Variants in GRAMD4 observed in about 807,000 individuals in gnomAD.
GRAMD4 encodes the protein GRAM domain-containing protein 4.
GRAMD4 carries 25 observed loss-of-function variants against 83.9 expected under a neutral mutation model. The observed-to-expected ratio is 0.30, with a 90% CI of 0.22 to 0.42. The LOEUF is 0.42. GRAMD4 is among the 10% of genes least tolerant of loss of function. The pLI is 1.00. For synonymous variants in GRAMD4, 336 were observed against 320.9 expected (o/e 1.05, Z -0.50); for missense variants, 593 against 788.7 (o/e 0.75, Z 2.97).
At chr22:46,662,426 C>T (rs947468848) in intron 5 of GRAMD4, among the ~76,000 whole-genome samples, 9 of 152,370 alleles carry the variant, frequency 5.9e-5, no homozygotes, top group African/African-American at 1.4e-4. Context: ...GCCCCCCTTC[C>T]GAGGGATTCT....
At chr22:46,654,313 G>A (rs66909472) in intron 3 of GRAMD4, among the ~76,000 whole-genome samples, 33,506 of 152,198 alleles carry the variant, frequency 0.22, 4,421 homozygotes, top group East Asian at 0.38. Context: ...AGGGCTTCAG[G>A]GCCAGCCCGG....
In GRAMD4 at chr22:46,672,758, G is replaced by A. The variant is rs1183893007; in HGVS notation, c.1085-85G>A. The A allele has an allele frequency of 6.5e-6, 7 of 1,069,704 alleles. 1 individual carries two copies. Among genetic ancestry groups the A allele is most frequent in the Admixed American group, 4.0e-5 (2 of 50,594 alleles). The allele number at this position is 1,069,704 out of a possible 1,614,324, so 66.3% of individuals were successfully genotyped here. A position where few individuals can be genotyped will look rare whatever the true frequency, so the allele number is the denominator to read the frequency against. The stretch of plus-strand genomic sequence containing the variant: ...AGGGTGGAGGGTGCCAATCTGGGAG[G>A]TGGGAGGTGCCGGAACCATCACCCT... On this transcript the variant is annotated intron_variant, in intron 13 of 18. Transcript: ENST00000406902. This position sits in a 1 kb window ranked among gnomAD's most constrained non-coding sequence, Gnocchi z 4.7.
chr22:46,679,568 A>C lies in GRAMD4; in HGVS notation c.*2317A>C. On this transcript the variant is annotated 3_prime_UTR_variant, in exon 19 of 19. Coordinates refer to ENST00000406902, the MANE Select transcript of GRAMD4 (RefSeq NM_015124.5). ...TGTGACTAATCACTGAACTAGACGA[A>C]TGTTAAATTTTTTATGTCTGAAGCC... The C allele has an allele frequency of 1.0e-6, 1 of 985,006 alleles. No individual in the cohort carries two copies. The highest frequency in any genetic ancestry group is 1.1e-4 in the East Asian group (1 of 8,820). 61.0% of individuals were successfully genotyped at this position (985,006 alleles called of 1,614,324 possible).
intron 1 of GRAMD4, among the ~76,000 whole-genome samples, chr22:46,594,817 G>C (rs1224179654): frequency 6.6e-6 from 1 of 151,988 alleles, no homozygotes. Context: ...ACGGGGAGCT[G>C]GGGTTGGGGG....
rs2082287879 is a variant in GRAMD4 at position 46,659,031 on chromosome 22, C to G, written c.404+724C>G. On this transcript the variant is annotated intron_variant, in intron 4 of 18. Coordinates refer to ENST00000406902, the MANE Select transcript of GRAMD4 (RefSeq NM_015124.5). This position sits in a 1 kb window ranked among gnomAD's most constrained non-coding sequence, Gnocchi z 4.1. ...CGCAAGTTACAAAGCCAGTGCCCTC[C>G]TGTCTCGCTAACACCACGAGGCTCC... 1.3e-5 allele frequency among the ~76,000 whole-genome samples: 2 copies of G among 152,152 alleles called. No individual in the cohort carries two copies. Among genetic ancestry groups the G allele is most frequent in the South Asian group, 4.1e-4 (2 of 4,830 alleles).
intron 1 of GRAMD4, among the ~76,000 whole-genome samples, chr22:46,611,300 C>G (rs1000312886): frequency 6.6e-6 from 1 of 151,798 alleles, no homozygotes; most frequent in Non-Finnish European, 1.5e-5. Context: ...GGCAGAGGGG[C>G]CTATGAGCTG....
chr22:46,644,718 T>G (rs946942751), intron 3 of GRAMD4, among the ~76,000 whole-genome samples: 1,352 of 131,532 alleles, frequency 0.01, 10 homozygotes, highest in Non-Finnish European at 0.015. Flanking sequence ...TTTTTTTTTT[T>G]TTTTTTTTTT....
chr22:46,642,495 A>G (rs1914471639), intron 3 of GRAMD4, among the ~76,000 whole-genome samples: 1 of 152,248 alleles, frequency 6.6e-6, no homozygotes, highest in Admixed American at 6.5e-5. Context: ...AGTGAACATC[A>G]TCGGCATTAC....
intron 3 of GRAMD4, among the ~76,000 whole-genome samples, chr22:46,639,725 G>A (rs2081947684): frequency 6.6e-6 from 1 of 152,094 alleles, no homozygotes; most frequent in Non-Finnish European, 1.5e-5. Flanking sequence ...GTGTACACAT[G>A]TGTATATCCA....
chr22:46,640,710 T>A (rs564328309), intron 3 of GRAMD4, among the ~76,000 whole-genome samples: 2 of 152,274 alleles, frequency 1.3e-5, no homozygotes, highest in African/African-American at 4.8e-5. Context: ...AAGAGTGTCA[T>A]GGGCCTCCCT....
At chr22:46,611,408 A>G (rs1227018365) in intron 1 of GRAMD4, among the ~76,000 whole-genome samples, 1 of 151,990 alleles carries the variant, frequency 6.6e-6, no homozygotes, top group Non-Finnish European at 1.5e-5. Flanking sequence ...GGTTTAAGCA[A>G]GCTCAGGCCA....
chr22:46,589,752 C>T (rs2147000229), intron 1 of GRAMD4, among the ~76,000 whole-genome samples: 1 of 152,230 alleles, frequency 6.6e-6, no homozygotes, highest in Non-Finnish European at 1.5e-5. Context: ...CTCTTCTGGC[C>T]CAGCCCACTC....
upstream of GRAMD4, among the ~76,000 whole-genome samples, chr22:46,576,396 G>A (rs952551124): frequency 6.6e-6 from 1 of 152,156 alleles, no homozygotes; most frequent in Non-Finnish European, 1.5e-5. Context: ...TTTTCTAGAG[G>A]GTCCAAAACC....
intron 1 of GRAMD4, among the ~76,000 whole-genome samples, chr22:46,614,941 C>A (rs980435600): frequency 2.1e-5 from 3 of 143,974 alleles, no homozygotes; most frequent in African/African-American, 7.9e-5. Flanking sequence ...GTGTAGGTTC[C>A]CCTGTGCATG....
chr22:46,679,077 G>A lies in GRAMD4; in HGVS notation c.*1826G>A. On this transcript the variant is annotated 3_prime_UTR_variant, in exon 19 of 19. Transcript: ENST00000406902. ...CCACCTTGGCGCCTGAGGCAACACA[G>A]GGTGGGCACTGACCCACCCCCAGGG... The A allele has an allele frequency of 1.0e-6, 1 of 985,618 alleles. No homozygotes were observed. Among genetic ancestry groups the A allele is most frequent in the South Asian group, 4.7e-5 (1 of 21,288 alleles). The allele number at this position is 985,618 out of a possible 1,614,324, so 61.1% of individuals were successfully genotyped here.
intron 1 of GRAMD4, among the ~76,000 whole-genome samples, chr22:46,609,786 C>T (rs140915566): frequency 1.2e-3 from 178 of 152,326 alleles, no homozygotes; most frequent in Admixed American, 3.3e-3. Context: ...AGGCAGGAGG[C>T]GGTGCTTAGG....
At position 46,622,767 on chromosome 22, in the gene GRAMD4, G is replaced by GC. The variant is rs1368041166; in HGVS notation, c.-50+2203dup. On this transcript the variant is annotated intron_variant, in intron 1 of 18. Transcript: ENST00000406902. This position sits in a 1 kb window ranked among gnomAD's most constrained non-coding sequence, Gnocchi z 4.0. ...TCTCTACTAAAAATACAAAAAATTA[G>GC]CTGGTGTGGTGGCGGGTGCCTGTAG... 2.6e-5 allele frequency among the ~76,000 whole-genome samples: 4 copies of GC among 152,058 alleles called. No homozygotes were observed. Among genetic ancestry groups the GC allele is most frequent in the Non-Finnish European group, 4.4e-5 (3 of 68,010 alleles).
At position 46,658,177 on chromosome 22, in the gene GRAMD4, TC is replaced by T. The variant is rs2082272279; in HGVS notation, c.284-5del. Reference sequence around the variant, plus strand: ...GAGCGATGGTCACCTGGCCGTTCTCTCCCCCATAGAGGAGGAGCTCCGGAAG... The same window carrying T: ...GAGCGATGGTCACCTGGCCGTTCTCTCCCCATAGAGGAGGAGCTCCGGAAG... On this transcript the variant is annotated splice_polypyrimidine_tract_variant and intron_variant, in intron 3 of 18. Transcript: ENST00000406902. 7 of 1,613,280 alleles carry T rather than the reference TC, an allele frequency of 4.3e-6. No individual in the cohort carries two copies. The highest frequency in any genetic ancestry group is 5.1e-6 in the Non-Finnish European group (6 of 1,179,782).
Position 46,660,922 on chromosome 22 carries a change from G to A in GRAMD4, c.405-459G>A, listed in dbSNP as rs558725977. 2.6e-4 allele frequency among the ~76,000 whole-genome samples: 39 copies of A among 152,332 alleles called. No individual in the cohort carries two copies. In the South Asian group the frequency reaches 6.2e-3, roughly 24 times the overall value. On this transcript the variant is annotated intron_variant, in intron 4 of 18. Coordinates refer to ENST00000406902, the MANE Select transcript of GRAMD4 (RefSeq NM_015124.5). ...AAGCAGACCCTAGTGGCCGTCTAGTGCCCCTGCCCAGTCCAGGCAGGTCGC... is the reference window on the plus strand; with the variant it reads ...AAGCAGACCCTAGTGGCCGTCTAGTACCCCTGCCCAGTCCAGGCAGGTCGC...
Sources: gnomAD v4.1 joint callset for allele counts (sites outside exome capture counted in the v4.1 genomes callset) on GRCh38, gnomAD v4.1.1 for gene constraint, Gnocchi (gnomAD v3.1) non-coding constraint, MANE v1.5 for transcripts, NCBI Gene and HGNC (gene_info 2026-07-23, HGNC 2026-07-21) for gene names.